NCALD: variants seen among roughly 807,000 people sequenced by gnomAD.
NCALD encodes neurocalcin-delta.
Under a neutral mutation model 18.6 loss-of-function variants are expected in NCALD, and 10 were observed. The observed-to-expected ratio is 0.54, with a 90% CI of 0.33 to 0.91. The LOEUF (loss-of-function observed/expected upper bound fraction) is 0.91, where lower values mean the gene tolerates loss of function less well. NCALD is among the 40% of genes least tolerant of loss of function. NCALD has a pLI of 0.03. For synonymous variants in NCALD, 88 were observed against 87.4 expected (o/e 1.01, Z -0.04); for missense variants, 184 against 247.6 (o/e 0.74, Z 1.72).
At chr8:101,774,973 TG>T (rs1308894621) in intron 1 of NCALD, among the ~76,000 whole-genome samples, 1 of 152,226 alleles carries the variant, frequency 6.6e-6, no homozygotes. Flanking sequence ...TAAGGGGATC[TG>T]TGCCAGTTCT....
At chr8:102,032,766 G>A (rs775351291) in intron 1 of NCALD, among the ~76,000 whole-genome samples, 1 of 152,070 alleles carries the variant, frequency 6.6e-6, no homozygotes, top group African/African-American at 2.4e-5. Flanking sequence ...ATAATCAGGG[G>A]GACAAGATAA....
At chr8:101,794,427 A>G (rs1011636631), upstream of NCALD, among the ~76,000 whole-genome samples, 13 of 151,554 alleles carry the variant, frequency 8.6e-5, no homozygotes, top group African/African-American at 3.2e-4. Flanking sequence ...AAAAAAGGAA[A>G]AGAAGAAAAA....
At chr8:102,071,024 A>AGCTTGGG (rs1043756226) in intron 1 of NCALD, among the ~76,000 whole-genome samples, 4 of 152,134 alleles carry the variant, frequency 2.6e-5, no homozygotes, top group African/African-American at 9.7e-5. Flanking sequence ...CACCAACAGA[A>AGCTTGGG]GCTTGGGGAA....
chr8:101,853,685 G>C (rs1185138138), intron 4 of NCALD, among the ~76,000 whole-genome samples: 1 of 152,108 alleles, frequency 6.6e-6, no homozygotes, highest in Non-Finnish European at 1.5e-5. Flanking sequence ...GCCGGGGTGG[G>C]GGAGTCCAGT....
intron 1 of NCALD, among the ~76,000 whole-genome samples, chr8:102,029,761 T>C (rs1254197835): frequency 6.6e-6 from 1 of 152,174 alleles, no homozygotes; most frequent in Admixed American, 6.6e-5. Flanking sequence ...AGGGATGTGA[T>C]AAGCTTGCGG....
intron 4 of NCALD, among the ~76,000 whole-genome samples, chr8:101,855,535 A>G (rs566370090): frequency 1.3e-5 from 2 of 152,318 alleles, no homozygotes; most frequent in Admixed American, 1.3e-4. Context: ...AGAGCAGCAT[A>G]ATATAGTCAA....
chr8:101,705,416 A>T (rs1463958238), intron 2 of NCALD, among the ~76,000 whole-genome samples: 1 of 152,122 alleles, frequency 6.6e-6, no homozygotes, highest in Non-Finnish European at 1.5e-5. Flanking sequence ...AGGCAGGAAG[A>T]GCTGTTAGAA....
intron 4 of NCALD, among the ~76,000 whole-genome samples, chr8:101,862,661 T>C (rs1250045750): frequency 2.0e-5 from 3 of 152,248 alleles, no homozygotes; most frequent in Non-Finnish European, 4.4e-5. Flanking sequence ...CACTGACTTT[T>C]ATTGCTGCCA....
rs527674354 is a variant in NCALD at position 102,117,837 on chromosome 8, G to T, written c.-210+6400C>A. Among the ~76,000 whole-genome samples the T allele has an allele frequency of 1.3e-4, 20 of 152,288 alleles. 1 individual carries two copies. The highest frequency in any genetic ancestry group is 3.6e-4 in the African/African-American group (15 of 41,554). On this transcript the variant is annotated intron_variant, in intron 1 of 6. Transcript: ENST00000311028. The stretch of plus-strand genomic sequence containing the variant: ...AGCCAAGCCAAGTTTGTACACATCA[G>T]ATTATTTCCAAAGAACCAAAACACA...
intron 4 of NCALD, among the ~76,000 whole-genome samples, chr8:101,797,897 C>T (rs1362324558): frequency 6.6e-6 from 1 of 151,584 alleles, no homozygotes; most frequent in Non-Finnish European, 1.5e-5. Context: ...AGAAACAGAG[C>T]TTCTGAGACC....
intron 1 of NCALD, among the ~76,000 whole-genome samples, chr8:102,106,508 G>A (rs909071652): frequency 1.0e-4 from 15 of 149,874 alleles, no homozygotes; most frequent in Admixed American, 1.3e-4. Context: ...ACAGCTGTGC[G>A]TAGCACAGGA....
chr8:102,104,511 CCA>C (rs1158197073), intron 1 of NCALD, among the ~76,000 whole-genome samples: 1 of 152,024 alleles, frequency 6.6e-6, no homozygotes, highest in Non-Finnish European at 1.5e-5. Context: ...CCTAAAAAAA[CCA>C]CAGAGGATGT....
At chr8:102,024,378 A>G (rs1344137329) in intron 1 of NCALD, among the ~76,000 whole-genome samples, 1 of 152,214 alleles carries the variant, frequency 6.6e-6, no homozygotes, top group East Asian at 1.9e-4. Context: ...ATAGATCAAA[A>G]ATATTCAGAG....
chr8:101,751,588 C>T (rs1272533762), intron 1 of NCALD, among the ~76,000 whole-genome samples: 2 of 152,148 alleles, frequency 1.3e-5, no homozygotes, highest in African/African-American at 4.8e-5. Context: ...GGGATAACAT[C>T]TCCATGAAAG....
chr8:101,995,934 A>C (rs1821226094), intron 2 of NCALD, among the ~76,000 whole-genome samples: 1 of 152,182 alleles, frequency 6.6e-6, no homozygotes, highest in Non-Finnish European at 1.5e-5. Context: ...AACTCTATAG[A>C]TATTCTTCCC....
chr8:101,810,052 A>AAACAAG, intron 4 of NCALD, among the ~76,000 whole-genome samples: 1 of 152,312 alleles, frequency 6.6e-6, no homozygotes, highest in African/African-American at 2.4e-5. Context: ...CAACGCCTAT[A>AAACAAG]AACAAGAACA....
intron 4 of NCALD, among the ~76,000 whole-genome samples, chr8:101,816,075 C>T (rs1001119762): frequency 5.3e-5 from 8 of 151,988 alleles, no homozygotes; most frequent in Non-Finnish European, 1.2e-4. Flanking sequence ...AACTATAAGA[C>T]GTTATTTTAA....
At position 102,114,723 on chromosome 8, in the gene NCALD, A is replaced by C. The variant is rs79677915; in HGVS notation, c.-210+9514T>G. Among the ~76,000 whole-genome samples the C allele has an allele frequency of 2.3e-3, 345 of 152,306 alleles. 1 individual carries two copies. Among genetic ancestry groups the C allele is most frequent in the African/African-American group, 7.8e-3 (323 of 41,572 alleles). ...CCCGTCTCCTGCTGATTTCTGGCCA[A>C]ATTATACCAGAAGTCAGAAGAAAAG... On this transcript the variant is annotated intron_variant, in intron 1 of 6. Coordinates refer to the NCALD transcript ENST00000311028.
intron 2 of NCALD, among the ~76,000 whole-genome samples, chr8:101,949,152 C>T (rs1469455611): frequency 2.6e-5 from 4 of 152,164 alleles, no homozygotes; most frequent in Non-Finnish European, 5.9e-5. Flanking sequence ...CCAAATAAGA[C>T]TTGTATTTGC....
Sources: allele counts gnomAD v4.1 joint callset (sites outside exome capture counted in the v4.1 genomes callset), GRCh38; gene constraint gnomAD v4.1.1; transcripts MANE v1.5; gene names NCBI Gene and HGNC (gene_info 2026-07-23, HGNC 2026-07-21).